The following ETV1 variants were observed in gnomAD, a reference collection of about 807,000 sequenced individuals.
ETV1 encodes the protein ETS variant transcription factor 1, also known as ETS translocation variant 1.
Under a neutral mutation model 62.3 loss-of-function variants are expected in ETV1, and 27 were observed. That is an observed-to-expected ratio of 0.43 (90% CI 0.32 to 0.60). ETV1 has a LOEUF of 0.60. Among genes scored for constraint, ETV1 ranks in the 20% least tolerant of loss-of-function variants. The pLI, the probability that ETV1 is intolerant of heterozygous loss-of-function variation, is 0.06. For synonymous variants in ETV1, 222 were observed against 199.6 expected (o/e 1.11, Z -0.94); for missense variants, 605 against 605.8 (o/e 1.00, Z 0.01).
intron 9 of ETV1, among the ~76,000 whole-genome samples, chr7:13,925,682 C>T (rs1785335871): frequency 6.6e-6 from 1 of 151,894 alleles, no homozygotes; most frequent in Admixed American, 6.6e-5. Flanking sequence ...TCTCCTGCCT[C>T]AGCCTCCAGA....
intron 1 of ETV1, 24 bp downstream of exon 1, chr7:13,989,539 T>A (rs190037409): frequency 8.0e-4 from 318 of 399,012 alleles, no homozygotes; most frequent in Non-Finnish European, 1.2e-3. Flanking sequence ...TGGAGAGACA[T>A]AAAAAGTTGT....
chr7:13,923,970 G>C (rs1374167548), intron 9 of ETV1, among the ~76,000 whole-genome samples: 1 of 152,076 alleles, frequency 6.6e-6, no homozygotes, highest in Non-Finnish European at 1.5e-5. Flanking sequence ...GGGAGGCGGA[G>C]GTTGTGGTGA....
chr7:13,913,717 T>C (rs1218269736), intron 9 of ETV1, among the ~76,000 whole-genome samples: 1 of 152,138 alleles, frequency 6.6e-6, no homozygotes, highest in South Asian at 2.1e-4. Context: ...TTAAATTATA[T>C]GAGATGACTG....
chr7:13,926,932 T>C (rs1450847776), intron 9 of ETV1, among the ~76,000 whole-genome samples: 1 of 152,172 alleles, frequency 6.6e-6, no homozygotes, highest in East Asian at 1.9e-4. Flanking sequence ...GCAGTTGAAA[T>C]TGCATTCCTG....
At chr7:13,896,740 A>G (rs201919266) in intron 13 of ETV1, among the ~76,000 whole-genome samples, 9 of 118,906 alleles carry the variant, frequency 7.6e-5, no homozygotes, top group South Asian at 3.1e-4. Flanking sequence ...AAAAAGAAAG[A>G]AAGGAAAGAA....
In ETV1 at chr7:13,957,042, CT is replaced by C. The variant is rs1355620690; in HGVS notation, c.236-17797del. 6.6e-5 allele frequency among the ~76,000 whole-genome samples: 10 copies of C among 151,986 alleles called. 1 individual carries two copies. Among genetic ancestry groups the C allele is most frequent in the Non-Finnish European group, 1.5e-4 (10 of 68,002 alleles). On this transcript the variant is annotated intron_variant, in intron 6 of 13. Transcript: ENST00000430479. ...TTTTTAAAACGTCAAACTATATTTA[CT>C]GCTACGTAAACCTAAGTCACCTATT...
chr7:13,989,492 C>G, intron 1 of ETV1, 28 bp from the exon 2 acceptor site: 1 of 402,604 alleles, frequency 2.5e-6, no homozygotes, highest in Middle Eastern at 6.3e-4. Flanking sequence ...CCTCTTTCAT[C>G]AGGATAGTTT....
intron 9 of ETV1, among the ~76,000 whole-genome samples, chr7:13,930,978 T>C (rs757847834): frequency 6.6e-6 from 1 of 151,706 alleles, no homozygotes; most frequent in Non-Finnish European, 1.5e-5. Context: ...TTTTTTGTAC[T>C]TTTAGTAGAG....
At chr7:13,941,898 TAA>T (rs1294586058) in intron 6 of ETV1, among the ~76,000 whole-genome samples, 24 of 143,564 alleles carry the variant, frequency 1.7e-4, no homozygotes, top group Non-Finnish European at 3.0e-4. Flanking sequence ...AATAAATAAA[TAA>T]ATAAATAAAG....
intron 3 of ETV1, 94 bp from the exon 4 acceptor site, chr7:13,988,267 T>C: frequency 4.1e-6 from 3 of 738,648 alleles, no homozygotes; most frequent in East Asian, 2.5e-5. Context: ...CAGACATGCA[T>C]ACATAAGTCT....
At chr7:13,935,578 AATATTTTGCACAG>A in intron 8 of ETV1, 117 bp downstream of exon 8, 1 of 688,252 alleles carries the variant, frequency 1.5e-6, no homozygotes, top group Non-Finnish European at 2.5e-6. Flanking sequence ...TCTTTCTAAA[AATATTTTGCACAG>A]ATGTGCAAAA....
intron 6 of ETV1, among the ~76,000 whole-genome samples, chr7:13,959,951 A>G (rs1443345767): frequency 1.3e-5 from 2 of 150,184 alleles, no homozygotes; most frequent in East Asian, 3.9e-4. Context: ...ATTGGGAGCC[A>G]TACATAGATT....
intron 13 of ETV1, among the ~76,000 whole-genome samples, chr7:13,896,734 A>AAG (rs1355998984): frequency 3.4e-5 from 2 of 59,316 alleles, no homozygotes; most frequent in African/African-American, 7.9e-5. Context: ...AAAAAGAAAA[A>AAG]GAAAGAAAGG....
intron 6 of ETV1, among the ~76,000 whole-genome samples, chr7:13,947,147 G>A (rs1273473907): frequency 2.0e-5 from 3 of 152,136 alleles, no homozygotes; most frequent in Non-Finnish European, 4.4e-5. Flanking sequence ...GGCATTATTT[G>A]TATCCTTACA....
chr7:13,900,490 C>T, intron 13 of ETV1: 1 of 372,324 alleles, frequency 2.7e-6, no homozygotes, highest in Non-Finnish European at 4.7e-6. Flanking sequence ...TCTTTTTTAA[C>T]CATGTGCAGC....
At chr7:13,899,535 A>G (rs1376598606) in intron 13 of ETV1, among the ~76,000 whole-genome samples, 1 of 152,196 alleles carries the variant, frequency 6.6e-6, no homozygotes, top group Non-Finnish European at 1.5e-5. Flanking sequence ...CAACTGGTCT[A>G]GTTTTTCTGG....
intron 5 of ETV1, among the ~76,000 whole-genome samples, chr7:13,985,171 CT>C (rs755662680): frequency 4.6e-5 from 7 of 151,996 alleles, no homozygotes; most frequent in Non-Finnish European, 8.8e-5. Context: ...TTCTCACAAC[CT>C]TTGACTTTGC....
chr7:13,966,626 G>A (rs998030044), intron 6 of ETV1, among the ~76,000 whole-genome samples: 11 of 151,934 alleles, frequency 7.2e-5, no homozygotes, highest in Admixed American at 1.3e-4. Flanking sequence ...CAGACTGGGC[G>A]ACAGAGTGAG....
At chr7:13,988,660 G>T (rs750948919) in intron 3 of ETV1, 4 of 1,402,960 alleles carry the variant, frequency 2.9e-6, no homozygotes, top group African/African-American at 1.7e-5. Flanking sequence ...TAAACAAAAA[G>T]TGTCAGCATT....
Sources: allele counts gnomAD v4.1 joint callset (sites outside exome capture counted in the v4.1 genomes callset), GRCh38; gene constraint gnomAD v4.1.1; transcripts MANE v1.5; gene names NCBI Gene and HGNC (gene_info 2026-07-23, HGNC 2026-07-21).